The following RBFOX1 variants were observed in gnomAD, a reference collection of about 807,000 sequenced individuals.
RBFOX1 encodes RNA binding protein fox-1 homolog 1.
A neutral mutation model predicts 57.7 loss-of-function variants in RBFOX1; 8 were observed. That is an observed-to-expected ratio of 0.14 (90% CI 0.08 to 0.25). The LOEUF (loss-of-function observed/expected upper bound fraction) is 0.25. Ranked by LOEUF, RBFOX1 falls within the 10% of genes least tolerant of loss-of-function variation. RBFOX1 has a pLI of 1.00. For synonymous variants in RBFOX1, 326 were observed against 222.4 expected, an observed-to-expected ratio of 1.47 and a Z score of -4.15; for missense variants, 611 against 548.5, an observed-to-expected ratio of 1.11 and a Z score of -1.14.
At chr16:6,624,821 A>G (rs1218024241) in intron 2 of RBFOX1, among the ~76,000 whole-genome samples, 1 of 152,174 alleles carries the variant, frequency 6.6e-6, no homozygotes, top group Non-Finnish European at 1.5e-5. Context: ...TACTTAGCAC[A>G]TACCATGTAT....
intron 4 of RBFOX1, among the ~76,000 whole-genome samples, chr16:7,481,791 T>TA (rs1199336421): frequency 6.6e-6 from 1 of 152,210 alleles, no homozygotes; most frequent in Non-Finnish European, 1.5e-5. Context: ...ACCCCTCACC[T>TA]ACTCAACATC....
At chr16:5,643,811 T>C (rs1231870552) in intron 3 of RBFOX1, among the ~76,000 whole-genome samples, 1 of 152,210 alleles carries the variant, frequency 6.6e-6, no homozygotes, top group Non-Finnish European at 1.5e-5. Context: ...AATCACAAGC[T>C]AAGCCAATAA....
At chr16:5,963,758 C>A (rs1402788844) in intron 4 of RBFOX1, among the ~76,000 whole-genome samples, 1 of 152,098 alleles carries the variant, frequency 6.6e-6, no homozygotes, top group Non-Finnish European at 1.5e-5. Context: ...AAAATCAAGT[C>A]AAAATGGATT....
intron 4 of RBFOX1, among the ~76,000 whole-genome samples, chr16:7,216,241 A>G (rs72767303): frequency 0.31 from 46,861 of 152,108 alleles, 8,235 homozygotes; most frequent in East Asian, 0.66. Flanking sequence ...CACTATCTGC[A>G]TATTAGTTAA....
At chr16:7,198,593 C>T (rs559002310) in intron 4 of RBFOX1, among the ~76,000 whole-genome samples, 2 of 152,230 alleles carry the variant, frequency 1.3e-5, no homozygotes, top group East Asian at 3.9e-4. Flanking sequence ...CTGGAAAGTC[C>T]AAGAGCATGA....
At chr16:6,915,643 C>G (rs148225246) in intron 3 of RBFOX1, among the ~76,000 whole-genome samples, 2 of 149,172 alleles carry the variant, frequency 1.3e-5, no homozygotes, top group African/African-American at 4.9e-5. Flanking sequence ...CTCTGCCTCT[C>G]GGGTTCAAGT....
intron 1 of RBFOX1, among the ~76,000 whole-genome samples, chr16:6,043,120 G>GAAAAAAAAAAAAAAA (rs570358262): frequency 5.1e-4 from 36 of 70,222 alleles, no homozygotes; most frequent in African/African-American, 8.1e-4. Context: ...TGTGTTTCCA[G>GAAAAAAAAAAAAAAA]AAAAAAAAAA....
At chr16:6,319,151 G>A (rs138757880) in intron 2 of RBFOX1, among the ~76,000 whole-genome samples, 61 of 152,256 alleles carry the variant, frequency 4.0e-4, no homozygotes, top group Non-Finnish European at 7.6e-4. Context: ...TAGCAGGAGC[G>A]ATGACCTAGT....
chr16:7,504,738 TATATA>T (rs2072363687), intron 4 of RBFOX1, among the ~76,000 whole-genome samples: 3 of 10,564 alleles, frequency 2.8e-4, no homozygotes, highest in Non-Finnish European at 4.5e-4. Context: ...TATATATATA[TATATA>T]TATATATATA....
At chr16:5,726,121 T>C (rs2052142634) in intron 3 of RBFOX1, among the ~76,000 whole-genome samples, 1 of 151,906 alleles carries the variant, frequency 6.6e-6, no homozygotes, top group African/African-American at 2.4e-5. Flanking sequence ...GTAGAATGGG[T>C]TTCTCTGATT....
rs116926981 is a variant in RBFOX1 at position 6,499,148 on chromosome 16, G to A, written c.-63-155455G>A. Reference sequence around the variant, plus strand: ...AGCCAGGCAGCCTTTGTTTACTGTGGAAGCTGGATGCTGGTGGACTGCATC... The same window carrying A: ...AGCCAGGCAGCCTTTGTTTACTGTGAAAGCTGGATGCTGGTGGACTGCATC... On this transcript the variant is annotated intron_variant, in intron 2 of 15. Transcript: ENST00000550418. Among the ~76,000 whole-genome samples, 27 of 152,316 alleles carry A rather than the reference G, an allele frequency of 1.8e-4. 1 individual carries two copies. The East Asian group carries it at 5.2e-3, about 29-fold the overall frequency.
intron 1 of RBFOX1, among the ~76,000 whole-genome samples, chr16:5,399,591 G>T (rs2066656483): frequency 6.6e-6 from 1 of 152,054 alleles, no homozygotes; most frequent in South Asian, 2.1e-4. Flanking sequence ...AAATTAGCTG[G>T]ATGTGGTGGT....
intron 4 of RBFOX1, among the ~76,000 whole-genome samples, chr16:7,315,457 C>CCA (rs1568171750): frequency 3.3e-5 from 2 of 61,258 alleles, no homozygotes; most frequent in African/African-American, 2.5e-4. Context: ...CTCTACCCTA[C>CCA]CCCCCCCCCC....
intron 14 of RBFOX1, among the ~76,000 whole-genome samples, chr16:7,695,210 G>C (rs537734655): frequency 1.3e-5 from 2 of 152,056 alleles, no homozygotes; most frequent in Non-Finnish European, 2.9e-5. Context: ...ATAAGGTTCC[G>C]TTTGAACTCT....
chr16:7,441,570 C>G (rs1212173771), intron 4 of RBFOX1, among the ~76,000 whole-genome samples: 1 of 152,186 alleles, frequency 6.6e-6, no homozygotes, highest in Admixed American at 6.5e-5. Flanking sequence ...GAAATCTACA[C>G]TTTAGTTTCA....
chr16:7,098,967 A>G (rs1295220253), intron 4 of RBFOX1, among the ~76,000 whole-genome samples: 1 of 152,122 alleles, frequency 6.6e-6, no homozygotes, highest in Non-Finnish European at 1.5e-5. Context: ...GGTTGCTTAT[A>G]GCCATTGGTC....
intron 3 of RBFOX1, among the ~76,000 whole-genome samples, chr16:6,698,371 G>A (rs1038430438): frequency 6.6e-6 from 1 of 152,162 alleles, no homozygotes; most frequent in African/African-American, 2.4e-5. Flanking sequence ...ATTTTTAAGA[G>A]AACACAATGG....
chr16:5,692,815 C>T (rs1301849912), intron 3 of RBFOX1, among the ~76,000 whole-genome samples: 1 of 152,032 alleles, frequency 6.6e-6, no homozygotes, highest in Non-Finnish European at 1.5e-5. Flanking sequence ...GGGTTGTGCT[C>T]ATCTGCAAGC....
intron 3 of RBFOX1, among the ~76,000 whole-genome samples, chr16:5,681,181 C>G (rs35221979): frequency 6.6e-6 from 1 of 151,620 alleles, no homozygotes; most frequent in African/African-American, 2.4e-5. Flanking sequence ...TCATGCCATT[C>G]TCATGCCTCA....
Sources: allele counts gnomAD v4.1 joint callset (sites outside exome capture counted in the v4.1 genomes callset), GRCh38; gene constraint gnomAD v4.1.1; transcripts MANE v1.5; gene names NCBI Gene and HGNC (gene_info 2026-07-23, HGNC 2026-07-21).